The following UQCC6 variants were observed in gnomAD, a reference collection of about 807,000 sequenced individuals.
UQCC6 encodes the protein protein BRAWNIN.
At chr12:103,952,766 T>C in the UQCC6 span, among the ~76,000 whole-genome samples, 4 of 152,372 alleles carry the variant, frequency 2.6e-5, no homozygotes, top group South Asian at 2.1e-4. Context: ...TGGTGGCTAA[T>C]GATGCTGAGC....
At chr12:103,953,440 C>T in the UQCC6 span, 1 of 702,368 alleles carries the variant, frequency 1.4e-6, no homozygotes, top group Non-Finnish European at 2.6e-6. Flanking sequence ...CAACACAGCA[C>T]TGAGCACAAG....
chr12:103,960,600 C>T, the UQCC6 span, among the ~76,000 whole-genome samples: 1 of 151,988 alleles, frequency 6.6e-6, no homozygotes, highest in Non-Finnish European at 1.5e-5. Context: ...CATAAAAATC[C>T]TTGGACACAT....
the UQCC6 span, chr12:103,951,482 C>T: frequency 1.6e-5 from 18 of 1,115,800 alleles, 1 homozygote; most frequent in South Asian, 1.5e-4. Flanking sequence ...TTAAGAAATA[C>T]ATATTTAAGA....
the UQCC6 span, chr12:103,956,986 C>A: frequency 1.9e-6 from 1 of 516,886 alleles, no homozygotes; most frequent in East Asian, 3.2e-5. Context: ...GTGAGGGGCG[C>A]CGGCCTGCGT....
chr12:103,961,694 C>A, the UQCC6 span, among the ~76,000 whole-genome samples: 6 of 151,872 alleles, frequency 4.0e-5, no homozygotes, highest in African/African-American at 1.5e-4. Flanking sequence ...GTAGCTGGGA[C>A]TACAGGTGCC....
the UQCC6 span, chr12:103,953,525 T>C: frequency 1.4e-6 from 1 of 702,390 alleles, no homozygotes; most frequent in Non-Finnish European, 2.6e-6. Context: ...AGACTTGTGA[T>C]CCAGTTTTGC....
At chr12:103,959,554 A>T in the UQCC6 span, among the ~76,000 whole-genome samples, 4,009 of 148,504 alleles carry the variant, frequency 0.027, 66 homozygotes, top group Middle Eastern at 0.11. Flanking sequence ...CTCTACTAAA[A>T]TACAAAAATT....
the UQCC6 span, among the ~76,000 whole-genome samples, chr12:103,956,125 G>A: frequency 6.7e-6 from 1 of 150,284 alleles, no homozygotes; most frequent in Non-Finnish European, 1.5e-5. Flanking sequence ...TCGCAGAGGA[G>A]GAATTCTTTG....
At chr12:103,960,356 G>A in the UQCC6 span, among the ~76,000 whole-genome samples, 1 of 152,156 alleles carries the variant, frequency 6.6e-6, no homozygotes, top group Non-Finnish European at 1.5e-5. Context: ...TTACAGGCAT[G>A]AGCCACCGCA....
the UQCC6 span, chr12:103,954,753 C>T: frequency 1.9e-6 from 1 of 536,414 alleles, no homozygotes; most frequent in African/African-American, 1.9e-5. Flanking sequence ...CGTGAGCAGA[C>T]AGGAGAAAGG....
the UQCC6 span, among the ~76,000 whole-genome samples, chr12:103,957,986 T>TATATATTTTTAA: frequency 0.06 from 8,562 of 142,060 alleles, 338 homozygotes; most frequent in Non-Finnish European, 0.087. Context: ...TAATATATAT[T>TATATATTTTTAA]TATATATTTA....
chr12:103,952,290 A>G, the UQCC6 span, among the ~76,000 whole-genome samples: 2 of 152,190 alleles, frequency 1.3e-5, no homozygotes, highest in Non-Finnish European at 2.9e-5. Context: ...GAATCATATA[A>G]TATGTGGTCC....
chr12:103,963,639 T>A, the UQCC6 span, among the ~76,000 whole-genome samples: 2 of 152,224 alleles, frequency 1.3e-5, no homozygotes, highest in African/African-American at 2.4e-5. Flanking sequence ...CCAGCAATGC[T>A]TTTCACTTTT....
chr12:103,955,941 C>T, the UQCC6 span, among the ~76,000 whole-genome samples: 12 of 152,340 alleles, frequency 7.9e-5, no homozygotes, highest in Non-Finnish European at 1.8e-4. Flanking sequence ...ACTCATCCTT[C>T]ATTCAACAAA....
the UQCC6 span, chr12:103,965,705 T>C: frequency 6.1e-6 from 2 of 328,572 alleles, no homozygotes; most frequent in Non-Finnish European, 1.1e-5. Context: ...GTCCCCGTCT[T>C]CTGGTCCTCC....
the UQCC6 span, chr12:103,954,978 G>GTAT: frequency 2.9e-6 from 2 of 700,772 alleles, no homozygotes; most frequent in Non-Finnish European, 5.2e-6. Context: ...TCTGAAAACA[G>GTAT]AAATAACACC....
the UQCC6 span, among the ~76,000 whole-genome samples, chr12:103,958,781 T>C: frequency 1.7e-3 from 266 of 152,346 alleles, no homozygotes; most frequent in African/African-American, 6.0e-3. Flanking sequence ...CTGTAAGCCT[T>C]GAGAGAGATG....
At chr12:103,953,721 G>C in the UQCC6 span, 1 of 619,484 alleles carries the variant, frequency 1.6e-6, no homozygotes, top group Non-Finnish European at 2.9e-6. Context: ...ACTGAGGTGA[G>C]TTTAGACCCT....
the UQCC6 span, among the ~76,000 whole-genome samples, chr12:103,961,030 T>C: frequency 1.3e-5 from 2 of 152,162 alleles, no homozygotes; most frequent in Non-Finnish European, 1.5e-5. Context: ...ATTGTTATCA[T>C]AGGAGATGAC....
Sources: gnomAD v4.1 joint callset for allele counts (sites outside exome capture counted in the v4.1 genomes callset) on GRCh38, gnomAD v4.1.1 for gene constraint, MANE v1.5 for transcripts, NCBI Gene and HGNC (gene_info 2026-07-23, HGNC 2026-07-21) for gene names.